NTNG1: variants seen among roughly 807,000 people sequenced by gnomAD.
NTNG1 encodes the protein netrin-G1.
NTNG1 carries 16 observed loss-of-function variants against 54.0 expected under a neutral mutation model. That is an observed-to-expected ratio of 0.30 (90% CI 0.20 to 0.45). The LOEUF is 0.45. NTNG1 is among the 20% of genes least tolerant of loss of function. NTNG1 has a pLI of 1.00. For missense variants in NTNG1, 530 were observed against 678.7 expected (o/e 0.78, Z 2.43); for synonymous variants, 255 against 263.1 (o/e 0.97, Z 0.30).
At chr1:107,248,998 A>C (rs944109871) in intron 2 of NTNG1, among the ~76,000 whole-genome samples, 3 of 151,036 alleles carry the variant, frequency 2.0e-5, no homozygotes, top group African/African-American at 7.3e-5. Context: ...AAAGTACAAA[A>C]AAAAAAAAAA....
chr1:107,482,986 A>T lies in NTNG1; in HGVS notation c.*2146A>T, dbSNP rs558446227. On this transcript the variant is annotated 3_prime_UTR_variant, in exon 8 of 8. Transcript: ENST00000370068. The stretch of plus-strand genomic sequence containing the variant: ...AATTAGAGCTTAGGCTTAGTGCCAG[A>T]GTGGCCAACCAGAAATTGGAGATTT... 63 of 152,368 alleles carry T rather than the reference A, an allele frequency of 4.1e-4. 1 individual carries two copies. Among genetic ancestry groups the T allele is most frequent in the African/African-American group, 1.4e-3 (60 of 41,588 alleles). The allele number at this position is 152,368 out of a possible 1,614,324, so 9.4% of individuals were successfully genotyped here.
intron 2 of NTNG1, among the ~76,000 whole-genome samples, chr1:107,270,697 C>A: frequency 8.5e-6 from 1 of 117,038 alleles, no homozygotes; most frequent in Admixed American, 9.2e-5. Flanking sequence ...TGGATTCCCG[C>A]CCCCGCCCCC....
Position 107,340,279 on chromosome 1 carries a change from T to G in NTNG1, c.887+15357T>G, listed in dbSNP as rs138413383. 3.9e-4 allele frequency among the ~76,000 whole-genome samples: 60 copies of G among 152,174 alleles called. No individual in the cohort carries two copies. The Middle Eastern group carries it at 0.024, about 60-fold the overall frequency. On this transcript the variant is annotated intron_variant, in intron 3 of 7. Transcript: ENST00000370068. Reference sequence around the variant, plus strand: ...AAGATAGGCATATCCAGAAAATTGATAGGCATAACCAGTGGAGGTGGTTTC... The same window carrying G: ...AAGATAGGCATATCCAGAAAATTGAGAGGCATAACCAGTGGAGGTGGTTTC...
Position 107,430,809 on chromosome 1 carries a change from A to T in NTNG1, c.1147A>T (p.Ile383Phe). 6.2e-7 allele frequency: 1 copy of T among 1,613,308 alleles called. No individual in the cohort carries two copies. Among genetic ancestry groups the T allele is most frequent in the African/African-American group, 1.3e-5 (1 of 75,020 alleles). Reference protein sequence around the residue: ...CSYIDLLNTVICVSCKHNTRG... With the variant: ...CSYIDLLNTVFCVSCKHNTRG... ...TTATATCGATCTGCTAAATACAGTC[A>T]TTTGCGTGAGCTGTAAACACAACAC... The change falls in exon 6 of 8, where the codon ATT (isoleucine) becomes TTT (phenylalanine). Residue 383 changes from isoleucine to phenylalanine, a missense_variant. Transcript: ENST00000370068.
chr1:107,161,851 C>CATGCTTTT (rs889182770), intron 2 of NTNG1, among the ~76,000 whole-genome samples: 7 of 150,362 alleles, frequency 4.7e-5, no homozygotes, highest in Non-Finnish European at 1.0e-4. Flanking sequence ...CCTTCTAGTC[C>CATGCTTTT]ATGCTTTTAT....
At chr1:107,477,936 A>G (rs510132) in intron 7 of NTNG1, among the ~76,000 whole-genome samples, 135,913 of 152,216 alleles carry the variant, frequency 0.89, 61,401 homozygotes, top group East Asian at 1. Flanking sequence ...ATATTTTATC[A>G]TCCCAGCCAG....
intron 7 of NTNG1, chr1:107,460,542 C>A (rs1677219986): frequency 4.6e-6 from 2 of 430,216 alleles, no homozygotes; most frequent in African/African-American, 2.0e-5. Context: ...TATTTATATT[C>A]ACAGCAACTT....
intron 3 of NTNG1, among the ~76,000 whole-genome samples, chr1:107,341,000 T>C (rs1023196329): frequency 3.3e-5 from 5 of 152,048 alleles, no homozygotes; most frequent in Admixed American, 6.6e-5. Flanking sequence ...ATTGTGACTT[T>C]GAAAGTAGCT....
At chr1:107,404,957 A>G (rs1166533615) in intron 4 of NTNG1, among the ~76,000 whole-genome samples, 1 of 152,194 alleles carries the variant, frequency 6.6e-6, no homozygotes, top group Non-Finnish European at 1.5e-5. Flanking sequence ...TGGCTTTTAG[A>G]CATAGTCACT....
At chr1:107,193,140 C>G (rs1281182151) in intron 2 of NTNG1, among the ~76,000 whole-genome samples, 1 of 152,018 alleles carries the variant, frequency 6.6e-6, no homozygotes, top group Admixed American at 6.6e-5. Context: ...CTCTCCTGGA[C>G]AGTTGGATGA....
intron 3 of NTNG1, among the ~76,000 whole-genome samples, chr1:107,376,379 GC>G (rs1671249805): frequency 6.6e-6 from 1 of 150,574 alleles, no homozygotes; most frequent in Non-Finnish European, 1.5e-5. Context: ...CTGCACTCCA[GC>G]CTGGGTGACA....
chr1:107,306,346 C>T (rs2101821109), intron 2 of NTNG1, among the ~76,000 whole-genome samples: 1 of 152,278 alleles, frequency 6.6e-6, no homozygotes, highest in East Asian at 1.9e-4. Flanking sequence ...GTAATTTATA[C>T]TTACATCACA....
chr1:107,325,869 A>T (rs1414861281), intron 3 of NTNG1, among the ~76,000 whole-genome samples: 1 of 152,124 alleles, frequency 6.6e-6, no homozygotes, highest in Non-Finnish European at 1.5e-5. Flanking sequence ...AAATTGAAAC[A>T]TATGAGGATA....
At chr1:107,282,607 C>T (rs1664935712) in intron 2 of NTNG1, among the ~76,000 whole-genome samples, 1 of 152,112 alleles carries the variant, frequency 6.6e-6, no homozygotes, top group African/African-American at 2.4e-5. Flanking sequence ...TCTTCCCAAA[C>T]ACTTTTACCT....
intron 2 of NTNG1, among the ~76,000 whole-genome samples, chr1:107,182,216 G>A (rs144716886): frequency 0.016 from 2,473 of 152,184 alleles, 22 homozygotes; most frequent in Middle Eastern, 0.034. Flanking sequence ...TTAGGAATGG[G>A]AAGGAGGAGG....
intron 2 of NTNG1, among the ~76,000 whole-genome samples, chr1:107,233,092 C>T (rs996749279): frequency 1.3e-5 from 2 of 152,116 alleles, no homozygotes; most frequent in Non-Finnish European, 2.9e-5. Flanking sequence ...ATGACTGATA[C>T]ATTTGCCTAA....
At chr1:107,165,564 T>G (rs1279256116) in intron 2 of NTNG1, among the ~76,000 whole-genome samples, 1 of 152,114 alleles carries the variant, frequency 6.6e-6, no homozygotes. Flanking sequence ...CCACATCAGA[T>G]TGTAAGCTCC....
chr1:107,353,296 T>C (rs923747399), intron 3 of NTNG1, among the ~76,000 whole-genome samples: 4 of 152,160 alleles, frequency 2.6e-5, no homozygotes, highest in African/African-American at 9.7e-5. Flanking sequence ...GAAACAGCCA[T>C]GTCAAATTTT....
At chr1:107,385,448 G>A (rs1442914846) in intron 3 of NTNG1, among the ~76,000 whole-genome samples, 1 of 152,084 alleles carries the variant, frequency 6.6e-6, no homozygotes, top group Non-Finnish European at 1.5e-5. Context: ...GAGAAATTGA[G>A]GAATGAGTTT....
Sources: allele counts gnomAD v4.1 joint callset (sites outside exome capture counted in the v4.1 genomes callset), GRCh38; gene constraint gnomAD v4.1.1; transcripts MANE v1.5; gene names NCBI Gene and HGNC (gene_info 2026-07-23, HGNC 2026-07-21).